Variants in MEGF11 observed in about 807,000 individuals in gnomAD.
MEGF11 encodes the protein multiple EGF like domains 11.
Under a neutral mutation model 146.6 loss-of-function variants are expected in MEGF11, and 126 were observed. The ratio of observed to expected loss-of-function variants is 0.86; its 90% CI spans 0.74 to 1.00. The LOEUF is 1.00. Ranked by LOEUF, MEGF11 falls within the 50% of genes least tolerant of loss-of-function variation. The pLI is 0.00. For missense variants in MEGF11, 1,509 were observed against 1,521.2 expected (o/e 0.99, Z 0.13); for synonymous variants, 532 against 583.4 (o/e 0.91, Z 1.27).
chr15:66,146,743 C>A (rs1449495136), intron 1 of MEGF11, among the ~76,000 whole-genome samples: 4 of 152,234 alleles, frequency 2.6e-5, no homozygotes, highest in Admixed American at 2.6e-4. Flanking sequence ...CATCAGTCCA[C>A]GGAGGCACAC....
In MEGF11 at chr15:66,220,100, A is replaced by G. The variant is rs150510204; in HGVS notation, c.-9+33505T>C. Among the ~76,000 whole-genome samples the G allele has an allele frequency of 4.8e-3, 724 of 152,250 alleles. 3 individuals carry two copies. The highest frequency in any genetic ancestry group is 7.6e-3 in the Non-Finnish European group (515 of 68,018). On this transcript the variant is annotated intron_variant, in intron 1 of 25. Transcript: ENST00000395614. The stretch of plus-strand genomic sequence containing the variant: ...GAAGACCATGTGCCAACAGAGGTAG[A>G]GACTGGAGCAGTGCATCTACAAGCA...
chr15:65,980,147 G>C (rs1162790398), intron 7 of MEGF11, among the ~76,000 whole-genome samples: 1 of 152,182 alleles, frequency 6.6e-6, no homozygotes, highest in Non-Finnish European at 1.5e-5. Context: ...CTCTGGCCCA[G>C]GGCCTGTGGC....
chr15:65,941,112 C>T (rs1159126474), intron 10 of MEGF11, among the ~76,000 whole-genome samples: 1 of 152,110 alleles, frequency 6.6e-6, no homozygotes, highest in Non-Finnish European at 1.5e-5. Context: ...CAAACAGACA[C>T]CAAAACATTT....
rs117603117 is a variant in MEGF11, at chr15:65,921,227, C to A, written c.1957+1111G>T. ...GTCAACAGAAGTATTTAAGCAGAGT[C>A]CAGATGAGATTTCTTGCATAGATGA... On this transcript the variant is annotated intron_variant, in intron 15 of 25. Coordinates refer to ENST00000395614, the MANE Select transcript of MEGF11 (RefSeq NM_001385028.1). 2.0e-4 allele frequency among the ~76,000 whole-genome samples: 30 copies of A among 152,290 alleles called. 1 individual carries two copies. In the East Asian group the frequency reaches 5.8e-3, roughly 29 times the overall value.
intron 9 of MEGF11, among the ~76,000 whole-genome samples, chr15:65,958,490 C>T (rs1025377287): frequency 2.0e-5 from 3 of 152,126 alleles, no homozygotes; most frequent in African/African-American, 4.8e-5. Flanking sequence ...AGAACTTCTG[C>T]GGGAGCATAA....
At chr15:66,084,764 T>C (rs6494548) in intron 5 of MEGF11, among the ~76,000 whole-genome samples, 3 of 151,922 alleles carry the variant, frequency 2.0e-5, no homozygotes, top group Non-Finnish European at 4.4e-5. Context: ...TAGCAGAAAT[T>C]TGTAACAACT....
chr15:66,232,674 C>T (rs1303030067), intron 1 of MEGF11, among the ~76,000 whole-genome samples: 3 of 152,168 alleles, frequency 2.0e-5, no homozygotes, highest in Admixed American at 6.5e-5. Context: ...AGACCCTGCT[C>T]CTTATACCTC....
chr15:66,207,235 A>T (rs2091321494), intron 1 of MEGF11, among the ~76,000 whole-genome samples: 1 of 152,218 alleles, frequency 6.6e-6, no homozygotes, highest in African/African-American at 2.4e-5. Context: ...TCACAAAGAG[A>T]TCCACACCTA....
At chr15:66,118,998 G>T in intron 4 of MEGF11, 88 bp downstream of exon 4, 1 of 871,472 alleles carries the variant, frequency 1.1e-6, no homozygotes. Flanking sequence ...AGGGGCCGTG[G>T]ATATCAGCCC....
chr15:66,225,796 A>G (rs943210579), intron 1 of MEGF11, among the ~76,000 whole-genome samples: 2 of 152,094 alleles, frequency 1.3e-5, no homozygotes, highest in African/African-American at 4.8e-5. Context: ...ACAAGCACAC[A>G]CTCGCATAAG....
chr15:66,142,172 C>G (rs1053025172), intron 1 of MEGF11, among the ~76,000 whole-genome samples: 1 of 152,168 alleles, frequency 6.6e-6, no homozygotes, highest in Non-Finnish European at 1.5e-5. Context: ...CTATTCTGGG[C>G]TCCATCCAGA....
At chr15:66,216,828 G>A (rs560701863) in intron 1 of MEGF11, among the ~76,000 whole-genome samples, 4 of 152,336 alleles carry the variant, frequency 2.6e-5, no homozygotes, top group Non-Finnish European at 5.9e-5. Context: ...TCATTCCCAA[G>A]TCACTCTCTA....
intron 5 of MEGF11, among the ~76,000 whole-genome samples, chr15:66,088,855 A>G (rs189049261): frequency 2.8e-4 from 43 of 152,342 alleles, no homozygotes; most frequent in Admixed American, 2.7e-3. Flanking sequence ...ACGGGGAGTT[A>G]GTGTTCAGTG....
intron 1 of MEGF11, among the ~76,000 whole-genome samples, chr15:66,245,362 G>A (rs1245370394): frequency 2.0e-5 from 3 of 151,914 alleles, no homozygotes; most frequent in East Asian, 1.9e-4. Flanking sequence ...GCACAGTGGC[G>A]CACTCCTGTA....
chr15:65,916,081 G>A, intron 18 of MEGF11, 67 bp downstream of exon 18: 1 of 1,491,018 alleles, frequency 6.7e-7, no homozygotes, highest in Non-Finnish European at 9.0e-7. Context: ...CTTGAAGTGG[G>A]AGCCATCCTC....
chr15:66,095,429 C>T (rs547054702), intron 4 of MEGF11, among the ~76,000 whole-genome samples: 1 of 152,324 alleles, frequency 6.6e-6, no homozygotes, highest in African/African-American at 2.4e-5. Flanking sequence ...TAGACCAGAT[C>T]TAGATGGTTT....
intron 5 of MEGF11, among the ~76,000 whole-genome samples, chr15:66,069,887 G>A (rs2085292292): frequency 6.6e-6 from 1 of 152,194 alleles, no homozygotes; most frequent in Non-Finnish European, 1.5e-5. Flanking sequence ...GCAGTCACAG[G>A]CAATCCAGAA....
At chr15:66,005,117 A>T (rs927918815) in intron 5 of MEGF11, among the ~76,000 whole-genome samples, 1 of 152,178 alleles carries the variant, frequency 6.6e-6, no homozygotes, top group Admixed American at 6.5e-5. Flanking sequence ...AAAAACAGAT[A>T]CAAATTAATG....
In MEGF11 at chr15:66,199,647, G is replaced by A. The variant is rs575312000; in HGVS notation, c.-9+53958C>T. Among the ~76,000 whole-genome samples, 5 of 152,212 alleles carry A rather than the reference G, an allele frequency of 3.3e-5. No individual in the cohort carries two copies. In the East Asian group the frequency reaches 9.6e-4, roughly 29 times the overall value. Reference sequence around the variant, plus strand: ...AACAAAAAAATTTAAAAATTCTCTGGGCATAGTGATGTGTTCCTGTGGTCC... The same window carrying A: ...AACAAAAAAATTTAAAAATTCTCTGAGCATAGTGATGTGTTCCTGTGGTCC... On this transcript the variant is annotated intron_variant, in intron 1 of 25. Coordinates refer to ENST00000395614, the MANE Select transcript of MEGF11 (RefSeq NM_001385028.1).
Sources: allele counts gnomAD v4.1 joint callset (sites outside exome capture counted in the v4.1 genomes callset), GRCh38; gene constraint gnomAD v4.1.1; transcripts MANE v1.5; gene names NCBI Gene and HGNC (gene_info 2026-07-23, HGNC 2026-07-21).